Variants in ARMCX4 observed in about 807,000 individuals in gnomAD.
The protein encoded by ARMCX4 is armadillo repeat-containing X-linked protein 4.
A neutral mutation model predicts 34.7 loss-of-function variants in ARMCX4; 3 were observed. That is an observed-to-expected ratio of 0.09 (90% CI 0.04 to 0.22). ARMCX4 has a LOEUF of 0.22. ARMCX4 is among the 10% of genes least tolerant of loss of function. The pLI is 1.00. For missense variants in ARMCX4, 1,448 were observed against 1,720.8 expected (o/e 0.84, Z 2.81); for synonymous variants, 513 against 632.8 (o/e 0.81, Z 2.84).
At chrX:101,442,389 A>G (rs1308917542) in intron 2 of ARMCX4, among the ~76,000 whole-genome samples, 4 of 111,290 alleles carry the variant, frequency 3.6e-5, no homozygotes, top group African/African-American at 1.3e-4. Flanking sequence ...GGGTCACCAG[A>G]TTAGTACAGC....
At chrX:101,527,873 C>A (rs782328706) in intron 11 of ARMCX4, among the ~76,000 whole-genome samples, 318 of 111,321 alleles carry the variant, frequency 2.9e-3, no homozygotes, top group African/African-American at 8.9e-3. Flanking sequence ...CAGGACCAGA[C>A]GGATTCACAG....
chrX:101,437,792 A>C (rs181535928), intron 2 of ARMCX4, among the ~76,000 whole-genome samples: 1 of 111,735 alleles, frequency 8.9e-6, no homozygotes, highest in Non-Finnish European at 1.9e-5. Context: ...TCGTGCTATA[A>C]ATTTCCCTCT....
In ARMCX4 at chrX:101,425,456, C is replaced by T. The variant is rs1471270984; in HGVS notation, n.164+6456C>T. ...TTGCCCAAGCTGGAGTGCAATGGTG[C>T]GATCTCGGCTCACTGCAACTTCCGC... On this transcript the variant is annotated intron_variant and non_coding_transcript_variant, in intron 2 of 3. Coordinates refer to the ARMCX4 transcript ENST00000430461. Among the ~76,000 whole-genome samples, 29 of 104,387 alleles carry T rather than the reference C, an allele frequency of 2.8e-4. 1 individual carries two copies. Among genetic ancestry groups the T allele is most frequent in the African/African-American group, 5.0e-4 (14 of 27,786 alleles). 90.6% of individuals were successfully genotyped at this position (104,387 alleles called of 115,157 possible). A position where few individuals can be genotyped will look rare whatever the true frequency, so the allele number is the denominator to read the frequency against.
chrX:101,494,429 G>C lies in ARMCX4; in HGVS notation c.5840G>C (p.Gly1947Ala). 8.7e-7 allele frequency: 1 copy of C among 1,155,676 alleles called. No homozygotes were observed. The highest frequency in any genetic ancestry group is 1.1e-6 in the Non-Finnish European group (1 of 872,883). ...KFEAAGGVDI[G>A]SWFCAGNENT... ...GAGGCTGCTGGTGGAGTTGATATAGGGTCTTGGTTCTGTGCTGGTAATGAA... is the reference window on the plus strand; with the variant it reads ...GAGGCTGCTGGTGGAGTTGATATAGCGTCTTGGTTCTGTGCTGGTAATGAA... The change falls in exon 6 of 6, where the codon GGG becomes GCG. Residue 1947 changes from glycine (G) to alanine (A), a missense_variant. Physicochemically the swap from Gly to Ala is moderately conservative, Grantham distance 60. This residue lies in a region of ARMCX4 where 1,343 missense variants were observed against 1,540.7 expected (regional missense o/e 0.87). Coordinates refer to ENST00000423738, the MANE Select transcript of ARMCX4 (RefSeq NM_001256155.3).
downstream of ARMCX4, among the ~76,000 whole-genome samples, chrX:101,499,971 C>T (rs1237427313): frequency 2.7e-5 from 3 of 111,940 alleles, no homozygotes; most frequent in Admixed American, 2.8e-4. Flanking sequence ...GAAAGAAAGG[C>T]CGAGTGCCCA....
intron 2 of ARMCX4, among the ~76,000 whole-genome samples, chrX:101,443,253 T>G (rs1424112305): frequency 9.0e-6 from 1 of 111,141 alleles, no homozygotes; most frequent in Admixed American, 9.6e-5. Flanking sequence ...ATTAGCACCC[T>G]TATAACAAGG....
At chrX:101,520,595 T>C (rs1934829800) in intron 11 of ARMCX4, among the ~76,000 whole-genome samples, 1 of 112,341 alleles carries the variant, frequency 8.9e-6, no homozygotes, top group Non-Finnish European at 1.9e-5. Flanking sequence ...AACCTGACTT[T>C]ACATTCCTGG....
chrX:101,437,718 G>A (rs1212825695), intron 2 of ARMCX4, among the ~76,000 whole-genome samples: 2 of 111,368 alleles, frequency 1.8e-5, no homozygotes, highest in Non-Finnish European at 3.8e-5. Flanking sequence ...TGCTTCTCTA[G>A]TTCTTTTAAT....
chrX:101,471,520 ATT>A (rs1932903543), intron 4 of ARMCX4, among the ~76,000 whole-genome samples: 1 of 112,019 alleles, frequency 8.9e-6, no homozygotes, highest in African/African-American at 3.2e-5. Context: ...AGGCTATCAG[ATT>A]TAGAGAGAAT....
intron 11 of ARMCX4, among the ~76,000 whole-genome samples, chrX:101,513,193 A>G (rs1397282406): frequency 9.0e-6 from 1 of 111,399 alleles, no homozygotes; most frequent in Admixed American, 9.5e-5. Context: ...ATAAATGTGA[A>G]TCACATCTAC....
At chrX:101,481,814 T>C (rs1341813216), upstream of ARMCX4, among the ~76,000 whole-genome samples, 2 of 111,723 alleles carry the variant, frequency 1.8e-5, no homozygotes, top group Non-Finnish European at 3.8e-5. Flanking sequence ...CTTTATTAGC[T>C]CCGGATCCAG....
At chrX:101,531,094 T>C (rs1336889721) in intron 11 of ARMCX4, among the ~76,000 whole-genome samples, 3 of 111,764 alleles carry the variant, frequency 2.7e-5, no homozygotes, top group Non-Finnish European at 3.8e-5. Context: ...TCTATTTCCT[T>C]GCATTGTCCA....
chrX:101,480,868 A>G (rs1933415709), upstream of ARMCX4, among the ~76,000 whole-genome samples: 2 of 112,221 alleles, frequency 1.8e-5, no homozygotes, highest in African/African-American at 3.2e-5. Context: ...CACCTGTGTG[A>G]TCCCAGCATT....
Position 101,506,301 on chromosome X carries a change from C to A in ARMCX4, c.*1596+946C>A, listed in dbSNP as rs781901215. 7.1e-5 allele frequency among the ~76,000 whole-genome samples: 8 copies of A among 112,185 alleles called. No homozygotes were observed. The South Asian group carries it at 2.9e-3, about 41-fold the overall frequency. On this transcript the variant is annotated intron_variant and NMD_transcript_variant, in intron 8 of 12. Coordinates refer to the ARMCX4 transcript ENST00000354842. ...TTAGTGGAACCATATATGATTTGTC[C>A]TTTTGTGACTTAGCATAATATTCTT...
intron 2 of ARMCX4, among the ~76,000 whole-genome samples, chrX:101,433,101 T>TAC (rs1930341826): frequency 3.3e-5 from 2 of 60,741 alleles, no homozygotes; most frequent in African/African-American, 9.6e-5. Context: ...TGTGTATACA[T>TAC]ACGCACGTAT....
chrX:101,454,834 T>C lies in ARMCX4; in HGVS notation c.-473+8790T>C, dbSNP rs782026931. On this transcript the variant is annotated intron_variant and NMD_transcript_variant, in intron 4 of 15. Transcript: ENST00000433011. ...GGAGTCTAAGATCAGGGTGCCAGCATGGTTGGGCTCTGGTGAGGGCCCTCT... is the reference window on the plus strand; with the variant it reads ...GGAGTCTAAGATCAGGGTGCCAGCACGGTTGGGCTCTGGTGAGGGCCCTCT... 2.6e-4 allele frequency among the ~76,000 whole-genome samples: 29 copies of C among 111,493 alleles called. No individual in the cohort carries two copies. In the South Asian group the frequency reaches 0.011, roughly 41 times the overall value.
intron 11 of ARMCX4, among the ~76,000 whole-genome samples, chrX:101,517,192 T>C (rs1056675538): frequency 1.2e-4 from 14 of 112,460 alleles, no homozygotes; most frequent in Non-Finnish European, 2.6e-4. Context: ...TGTTGAGATT[T>C]AAACAATGAG....
intron 11 of ARMCX4, among the ~76,000 whole-genome samples, chrX:101,525,149 G>C (rs1934937625): frequency 9.0e-6 from 1 of 111,605 alleles, no homozygotes; most frequent in African/African-American, 3.3e-5. Context: ...TTGCTGTTCT[G>C]CCACCTCTGT....
intron 4 of ARMCX4, among the ~76,000 whole-genome samples, chrX:101,474,731 C>G (rs1405818754): frequency 4.2e-5 from 4 of 95,871 alleles, no homozygotes; most frequent in Admixed American, 1.2e-4. Flanking sequence ...TCAATAGATG[C>G]AGAAAAAGCC....
Sources: gnomAD v4.1 joint callset for allele counts (sites outside exome capture counted in the v4.1 genomes callset) on GRCh38, gnomAD v4.1.1 for gene constraint, gnomAD v4.1.1 regional missense constraint, MANE v1.5 for transcripts, NCBI Gene and HGNC (gene_info 2026-07-23, HGNC 2026-07-21) for gene names.